The following PLXNA4 variants were observed in gnomAD, a reference collection of about 807,000 sequenced individuals.
PLXNA4 encodes the protein plexin A4, also known as plexin-A4.
In PLXNA4, 44 loss-of-function variants were observed where a neutral mutation model predicts 191.8. The observed-to-expected ratio is 0.23, with a 90% CI of 0.18 to 0.29. PLXNA4 has a LOEUF of 0.29. PLXNA4 is among the 10% of genes least tolerant of loss of function. PLXNA4 has a pLI of 1.00. For missense variants in PLXNA4, 1,800 were observed against 2,488.8 expected (o/e 0.72, Z 5.89); for synonymous variants, 1,082 against 1,009.5 (o/e 1.07, Z -1.36).
intron 5 of PLXNA4, among the ~76,000 whole-genome samples, chr7:132,232,016 A>G (rs1036959259): frequency 6.6e-6 from 1 of 152,178 alleles, no homozygotes; most frequent in African/African-American, 2.4e-5. Flanking sequence ...CAAATGTCCA[A>G]AAGCACAGAC....
At chr7:132,369,553 G>C (rs1353783119) in intron 3 of PLXNA4, among the ~76,000 whole-genome samples, 1 of 152,066 alleles carries the variant, frequency 6.6e-6, no homozygotes, top group African/African-American at 2.4e-5. Flanking sequence ...CCCCCAGTGG[G>C]CATAACATAC....
At chr7:132,575,336 A>G (rs1157308845) in intron 1 of PLXNA4, among the ~76,000 whole-genome samples, 1 of 152,162 alleles carries the variant, frequency 6.6e-6, no homozygotes, top group Non-Finnish European at 1.5e-5. Flanking sequence ...CTGGGGAGTG[A>G]TTCTACAATC....
chr7:132,357,199 C>T (rs1585030841), intron 3 of PLXNA4, among the ~76,000 whole-genome samples: 1 of 152,144 alleles, frequency 6.6e-6, no homozygotes, highest in South Asian at 2.1e-4. Flanking sequence ...TTCATGGCAG[C>T]CACAGGAAAT....
At chr7:132,402,990 T>C (rs1247864748) in intron 3 of PLXNA4, among the ~76,000 whole-genome samples, 1 of 152,200 alleles carries the variant, frequency 6.6e-6, no homozygotes, top group Non-Finnish European at 1.5e-5. Flanking sequence ...AATAACTGGA[T>C]CTCTCTTCCC....
intron 2 of PLXNA4, among the ~76,000 whole-genome samples, chr7:132,584,001 G>A (rs890171766): frequency 1.3e-5 from 2 of 152,198 alleles, no homozygotes; most frequent in African/African-American, 4.8e-5. Flanking sequence ...ATGGGAATAG[G>A]CACATGCTAC....
In PLXNA4 at chr7:132,572,168, T is replaced by C. The variant is rs539340281; in HGVS notation, c.-87+4254A>G. 9.9e-5 allele frequency among the ~76,000 whole-genome samples: 15 copies of C among 152,256 alleles called. 1 individual carries two copies. The South Asian group carries it at 1.7e-3, about 17-fold the overall frequency. On this transcript the variant is annotated intron_variant, in intron 1 of 31. Coordinates refer to ENST00000321063, the MANE Select transcript of PLXNA4 (RefSeq NM_020911.2). ...ACCAGCACAGTGATGAGGAGAAAGG[T>C]CAGATTGCTCACAAGTGAGACTTGG...
intron 16 of PLXNA4, 146 bp downstream of exon 16, chr7:132,185,153 G>A: frequency 8.1e-7 from 1 of 1,239,414 alleles, no homozygotes; most frequent in Non-Finnish European, 1.1e-6. Flanking sequence ...CAGTAGGAAG[G>A]TCTGATTTGG....
At chr7:132,412,502 G>A (rs746575264) in intron 3 of PLXNA4, among the ~76,000 whole-genome samples, 10 of 152,222 alleles carry the variant, frequency 6.6e-5, no homozygotes, top group East Asian at 1.9e-4. Context: ...ACAGCATCTC[G>A]TGAGCTGACA....
Position 132,211,131 on chromosome 7 carries a change from G to A in PLXNA4, c.2110C>T (p.Leu704=), listed in dbSNP as rs1323810772. Residue 704 remains leucine, a synonymous_variant, in exon 10 of 32, where the codon CTG becomes TTG. Transcript: ENST00000321063. The part of the protein sequence containing the change: ...RVKLPEDCPQ[L]LRVDKILVPV... ...ACCAGGATCTTGTCCACTCGCAGCA[G>A]CTGGGGGCAGTCCTGGGGACAGAGG... The A allele has an allele frequency of 6.4e-7, 1 of 1,558,842 alleles. No individual in the cohort carries two copies.
At chr7:132,372,696 G>T (rs1326694732) in intron 3 of PLXNA4, among the ~76,000 whole-genome samples, 3 of 152,298 alleles carry the variant, frequency 2.0e-5, no homozygotes, top group Non-Finnish European at 4.4e-5. Context: ...ATAGAACAAA[G>T]GTTCAATTCT....
At chr7:132,239,087 A>G (rs1798796708) in intron 5 of PLXNA4, among the ~76,000 whole-genome samples, 1 of 152,218 alleles carries the variant, frequency 6.6e-6, no homozygotes, top group South Asian at 2.1e-4. Flanking sequence ...AGACTGGAGC[A>G]GCTGGCTTCC....
At chr7:132,218,058 C>T (rs768851984) in intron 9 of PLXNA4, among the ~76,000 whole-genome samples, 37 of 152,014 alleles carry the variant, frequency 2.4e-4, no homozygotes, top group East Asian at 5.8e-4. Context: ...AGAGTCCAGT[C>T]GGTGGGTCAA....
chr7:132,282,385 C>A (rs1180996655), intron 4 of PLXNA4, among the ~76,000 whole-genome samples: 1 of 151,822 alleles, frequency 6.6e-6, no homozygotes, highest in Non-Finnish European at 1.5e-5. Context: ...CCAGCCTGGG[C>A]AACATGGAGA....
intron 10 of PLXNA4, among the ~76,000 whole-genome samples, chr7:132,204,203 AGGTGGAG>A: frequency 6.6e-6 from 1 of 152,026 alleles, no homozygotes. Context: ...GAGAGATAGG[AGGTGGAG>A]GGTGGAGAGA....
intron 16 of PLXNA4, among the ~76,000 whole-genome samples, chr7:132,183,144 A>G (rs1796764908): frequency 6.6e-6 from 1 of 152,190 alleles, no homozygotes; most frequent in South Asian, 2.1e-4. Flanking sequence ...ATTTCCACCC[A>G]TCTATCCATC....
intron 4 of PLXNA4, among the ~76,000 whole-genome samples, chr7:132,286,711 C>T (rs191617284): frequency 6.6e-6 from 1 of 152,324 alleles, no homozygotes; most frequent in East Asian, 1.9e-4. Flanking sequence ...GCTACCCAAT[C>T]TGTGATAACT....
At chr7:132,480,263 A>G (rs1352003769) in intron 3 of PLXNA4, among the ~76,000 whole-genome samples, 1 of 152,218 alleles carries the variant, frequency 6.6e-6, no homozygotes. Context: ...GATTGTGAGA[A>G]GAGCCGAGAA....
chr7:132,275,409 G>C (rs1388899769), intron 4 of PLXNA4, among the ~76,000 whole-genome samples: 1 of 152,028 alleles, frequency 6.6e-6, no homozygotes, highest in Non-Finnish European at 1.5e-5. Flanking sequence ...TACATGTCTA[G>C]TTTCATGAAA....
At chr7:132,467,655 C>T (rs1207641547) in intron 3 of PLXNA4, among the ~76,000 whole-genome samples, 4 of 152,210 alleles carry the variant, frequency 2.6e-5, no homozygotes, top group African/African-American at 9.6e-5. Context: ...CCAAAGATCA[C>T]AAAATTAAAA....
Sources: gnomAD v4.1 joint callset for allele counts (sites outside exome capture counted in the v4.1 genomes callset) on GRCh38, gnomAD v4.1.1 for gene constraint, MANE v1.5 for transcripts, NCBI Gene and HGNC (gene_info 2026-07-23, HGNC 2026-07-21) for gene names.